The following ZNF804B variants were observed in gnomAD, a reference collection of about 807,000 sequenced individuals.
ZNF804B encodes the protein zinc finger protein 804B.
Under a neutral mutation model 101.4 loss-of-function variants are expected in ZNF804B, and 80 were observed. The ratio of observed to expected loss-of-function variants is 0.79; its 90% CI spans 0.66 to 0.95. ZNF804B has a LOEUF of 0.95. ZNF804B is among the 40% of genes least tolerant of loss of function. The probability of loss-of-function intolerance (pLI) is 0.00; values close to 1 mark genes in which losing one functional copy is unlikely to be tolerated. For missense variants in ZNF804B, 1,673 were observed against 1,561.9 expected (o/e 1.07, Z -1.20); for synonymous variants, 622 against 558.8 (o/e 1.11, Z -1.59).
chr7:89,115,757 T>C (rs1790301047), intron 1 of ZNF804B, among the ~76,000 whole-genome samples: 1 of 152,218 alleles, frequency 6.6e-6, no homozygotes, highest in Non-Finnish European at 1.5e-5. Flanking sequence ...AACTTTAGTA[T>C]GAAATGATAG....
intron 1 of ZNF804B, among the ~76,000 whole-genome samples, chr7:89,114,693 A>G (rs1790281714): frequency 6.6e-6 from 1 of 152,214 alleles, no homozygotes; most frequent in South Asian, 2.1e-4. Context: ...TAGAGGAAAA[A>G]GAAACATTCC....
intron 1 of ZNF804B, among the ~76,000 whole-genome samples, chr7:88,904,477 A>T (rs1034214244): frequency 3.3e-5 from 5 of 152,014 alleles, no homozygotes; most frequent in African/African-American, 1.2e-4. Context: ...TTTTTTTCTA[A>T]TTCTGTGAAA....
chr7:89,022,423 A>G (rs6961702), intron 1 of ZNF804B, among the ~76,000 whole-genome samples: 82,242 of 151,964 alleles, frequency 0.54, 22,728 homozygotes, highest in Middle Eastern at 0.64. Flanking sequence ...GGTGGAGATG[A>G]TCCTGATTTT....
chr7:89,232,629 C>T (rs757798144), intron 2 of ZNF804B, among the ~76,000 whole-genome samples: 11 of 152,122 alleles, frequency 7.2e-5, no homozygotes, highest in Middle Eastern at 3.4e-3. Context: ...TAGGTATTGT[C>T]CAGTTCATGT....
rs777407646 is a variant in ZNF804B, at chr7:89,305,082, G to C, written c.250-22262G>C. ...AGTGTCTGTGCCTCCACTGTGTAAT[G>C]AGAATGATTCTAACAGCATTTATGT... is the stretch of plus-strand genomic sequence containing the variant. On this transcript the variant is annotated intron_variant, in intron 2 of 3. Coordinates refer to ENST00000333190, the MANE Select transcript of ZNF804B (RefSeq NM_181646.5). Among the ~76,000 whole-genome samples, 13 of 152,108 alleles carry C rather than the reference G, an allele frequency of 8.5e-5. No individual in the cohort carries two copies. The South Asian group carries it at 1.7e-3, about 19-fold the overall frequency.
intron 1 of ZNF804B, among the ~76,000 whole-genome samples, chr7:89,018,704 A>G (rs1157801178): frequency 2.0e-5 from 3 of 151,928 alleles, no homozygotes; most frequent in Admixed American, 6.6e-5. Flanking sequence ...CATATTTTCT[A>G]TTTCTCCTTG....
At chr7:88,836,156 C>G (rs17164628) in intron 1 of ZNF804B, among the ~76,000 whole-genome samples, 1 of 151,872 alleles carries the variant, frequency 6.6e-6, no homozygotes, top group African/African-American at 2.4e-5. Flanking sequence ...TTAGTTAACA[C>G]CACGTTTTGA....
In ZNF804B at chr7:88,892,973, A is replaced by G. The variant is rs114066923; in HGVS notation, c.108+132889A>G. On this transcript the variant is annotated intron_variant, in intron 1 of 3. Transcript: ENST00000333190. ...ATTCTTCTCCCATTGTCTTCCTATCAGAGTAATTTTTTAAACTTAGTTTAT... is the reference window on the plus strand; with the variant it reads ...ATTCTTCTCCCATTGTCTTCCTATCGGAGTAATTTTTTAAACTTAGTTTAT... Among the ~76,000 whole-genome samples, 986 of 152,208 alleles carry G rather than the reference A, an allele frequency of 6.5e-3. 14 individuals are homozygous for G. Among genetic ancestry groups the G allele is most frequent in the African/African-American group, 0.023 (950 of 41,540 alleles).
Position 89,091,435 on chromosome 7 carries a change from G to A in ZNF804B, c.109-126720G>A, listed in dbSNP as rs1219232215. Among the ~76,000 whole-genome samples, 7 of 152,038 alleles carry A rather than the reference G, an allele frequency of 4.6e-5. No homozygotes were observed. In the East Asian group the frequency reaches 9.7e-4, roughly 21 times the overall value. On this transcript the variant is annotated intron_variant, in intron 1 of 3. Coordinates refer to ENST00000333190, the MANE Select transcript of ZNF804B (RefSeq NM_181646.5). ...TAGATTTGCCTCAATTTCTTGGGTTGAGTATTTTCAGAGCTTTGAATGAAT... is the reference window on the plus strand; with the variant it reads ...TAGATTTGCCTCAATTTCTTGGGTTAAGTATTTTCAGAGCTTTGAATGAAT...
At chr7:88,789,569 T>A (rs1790348887) in intron 1 of ZNF804B, among the ~76,000 whole-genome samples, 1 of 152,124 alleles carries the variant, frequency 6.6e-6, no homozygotes, top group African/African-American at 2.4e-5. Flanking sequence ...GTTCTCTCTG[T>A]ATGCTCTTAA....
chr7:89,181,311 C>T (rs1218201720), intron 1 of ZNF804B, among the ~76,000 whole-genome samples: 2 of 152,138 alleles, frequency 1.3e-5, no homozygotes, highest in African/African-American at 2.4e-5. Context: ...TTCAAATTTA[C>T]GTAGGACCCC....
chr7:88,832,169 C>CAA (rs111865956), intron 1 of ZNF804B, among the ~76,000 whole-genome samples: 19 of 146,416 alleles, frequency 1.3e-4, no homozygotes, highest in African/African-American at 1.5e-4. Flanking sequence ...TATTCCTGCT[C>CAA]AAAAAAAAAA....
At chr7:89,042,513 C>A (rs765770428) in intron 1 of ZNF804B, among the ~76,000 whole-genome samples, 6 of 152,086 alleles carry the variant, frequency 3.9e-5, no homozygotes, top group Non-Finnish European at 5.9e-5. Context: ...ACTACTGATA[C>A]TGAGTCAAAT....
chr7:88,762,094 G>T (rs900584968), intron 1 of ZNF804B, among the ~76,000 whole-genome samples: 1 of 88,750 alleles, frequency 1.1e-5, no homozygotes, highest in African/African-American at 4.4e-5. Flanking sequence ...TTGTTATCTA[G>T]GATCTACACT....
In ZNF804B at chr7:89,333,941, T is replaced by A; in HGVS notation, c.959T>A (p.Ile320Asn). ...IDETLEDSIG[I>N]HASFSKSNIH... ...GAGACACTAGAAGATTCAATTGGCA[T>A]TCATGCTTCATTCTCTAAATCTAAC... Residue 320 changes from isoleucine (I) to asparagine (N), a missense_variant, in exon 4 of 4, where the codon ATT (isoleucine) becomes AAT (asparagine). Coordinates refer to ENST00000333190, the MANE Select transcript of ZNF804B (RefSeq NM_181646.5). The A allele has an allele frequency of 6.2e-7, 1 of 1,613,604 alleles. No individual in the cohort carries two copies. The highest frequency in any genetic ancestry group is 2.2e-5 in the East Asian group (1 of 44,870).
At chr7:89,037,523 A>G (rs1788946338) in intron 1 of ZNF804B, among the ~76,000 whole-genome samples, 1 of 151,732 alleles carries the variant, frequency 6.6e-6, no homozygotes, top group Non-Finnish European at 1.5e-5. Context: ...TATAATTGAC[A>G]AATGAAAATT....
chr7:89,034,011 T>C (rs943239563), intron 1 of ZNF804B, among the ~76,000 whole-genome samples: 9 of 152,066 alleles, frequency 5.9e-5, no homozygotes, highest in Non-Finnish European at 1.3e-4. Flanking sequence ...CATAATAATG[T>C]GTTAAATAAT....
chr7:89,248,058 A>G (rs10268313), intron 2 of ZNF804B, among the ~76,000 whole-genome samples: 43,845 of 152,144 alleles, frequency 0.29, 6,526 homozygotes, highest in South Asian at 0.34. Context: ...ATAAAGAAAA[A>G]AAAAGTTTTA....
chr7:89,194,198 A>C (rs1788507426), intron 1 of ZNF804B, among the ~76,000 whole-genome samples: 1 of 152,074 alleles, frequency 6.6e-6, no homozygotes, highest in East Asian at 1.9e-4. Context: ...AGTTCATTGT[A>C]GATTCTGGAT....
Sources: gnomAD v4.1 joint callset for allele counts (sites outside exome capture counted in the v4.1 genomes callset) on GRCh38, gnomAD v4.1.1 for gene constraint, MANE v1.5 for transcripts, NCBI Gene and HGNC (gene_info 2026-07-23, HGNC 2026-07-21) for gene names.